Variants in EPHB2 observed in about 807,000 individuals in gnomAD.
The protein encoded by EPHB2 is ephrin type-B receptor 2.
Under a neutral mutation model 96.4 loss-of-function variants are expected in EPHB2, and 18 were observed. The observed-to-expected ratio is 0.19, with a 90% CI of 0.13 to 0.28. The LOEUF (loss-of-function observed/expected upper bound fraction) is 0.28, where lower values mean the gene tolerates loss of function less well. Ranked by LOEUF, EPHB2 falls within the 10% of genes least tolerant of loss-of-function variation. EPHB2 has a pLI of 1.00. For synonymous variants in EPHB2, 506 were observed against 534.1 expected, an observed-to-expected ratio of 0.95 and a Z score of 0.72; for missense variants, 989 against 1,355.4, an observed-to-expected ratio of 0.73 and a Z score of 4.25.
At chr1:22,841,831 C>T (rs887555227) in intron 3 of EPHB2, among the ~76,000 whole-genome samples, 11 of 152,170 alleles carry the variant, frequency 7.2e-5, no homozygotes, top group African/African-American at 2.7e-4. Flanking sequence ...CTGCTGTCTC[C>T]AGGAGGGATC....
Position 22,914,344 on chromosome 1 carries a change from C to T in EPHB2, c.*774C>T. The T allele has an allele frequency of 6.2e-6, 1 of 160,936 alleles. No homozygotes were observed. Among genetic ancestry groups the T allele is most frequent in the Non-Finnish European group, 1.4e-5 (1 of 72,678 alleles). 10.0% of individuals were successfully genotyped at this position (160,936 alleles called of 1,614,324 possible). On this transcript the variant is annotated 3_prime_UTR_variant, in exon 16 of 16. Transcript: ENST00000374630. Reference sequence around the variant, plus strand: ...GGTACATATCACGCGCACAGCCTGGCAGCCTGGCCCTCCTGGTGCCCACTC... The same window carrying T: ...GGTACATATCACGCGCACAGCCTGGTAGCCTGGCCCTCCTGGTGCCCACTC...
At chr1:22,883,748 T>C (rs1257984618) in intron 6 of EPHB2, among the ~76,000 whole-genome samples, 2 of 152,178 alleles carry the variant, frequency 1.3e-5, no homozygotes, top group African/African-American at 4.8e-5. Context: ...TACCCAGCCT[T>C]TGCCGGCCGT....
chr1:22,787,671 C>T (rs368234803), intron 3 of EPHB2, among the ~76,000 whole-genome samples: 63 of 152,192 alleles, frequency 4.1e-4, no homozygotes, highest in African/African-American at 1.1e-3. Context: ...GTGGGAGGAT[C>T]GCTTGAGGCT....
chr1:22,746,124 G>C (rs142620565), intron 1 of EPHB2, among the ~76,000 whole-genome samples: 1 of 152,164 alleles, frequency 6.6e-6, no homozygotes, highest in Non-Finnish European at 1.5e-5. Context: ...GAGTGCAGCC[G>C]TGGAAAGATC....
chr1:22,815,503 G>A (rs1330522413), intron 3 of EPHB2, among the ~76,000 whole-genome samples: 1 of 152,216 alleles, frequency 6.6e-6, no homozygotes, highest in African/African-American at 2.4e-5. Flanking sequence ...AACCTGAGGT[G>A]GGGCTGGGCC....
At chr1:22,740,356 C>G (rs1475686941) in intron 1 of EPHB2, among the ~76,000 whole-genome samples, 1 of 152,154 alleles carries the variant, frequency 6.6e-6, no homozygotes, top group African/African-American at 2.4e-5. Context: ...TGGGACTGTC[C>G]TACCCAATCA....
chr1:22,904,669 A>G (rs1053694550), intron 9 of EPHB2, among the ~76,000 whole-genome samples: 9 of 152,216 alleles, frequency 5.9e-5, no homozygotes, highest in African/African-American at 2.2e-4. Context: ...CTCTCTTGTA[A>G]CTACCCAACT....
chr1:22,757,955 G>A (rs1218723200), intron 1 of EPHB2, among the ~76,000 whole-genome samples: 1 of 115,668 alleles, frequency 8.6e-6, no homozygotes, highest in African/African-American at 3.4e-5. Context: ...GTCTCGCTCT[G>A]TTGCCCAGGC....
intron 3 of EPHB2, among the ~76,000 whole-genome samples, chr1:22,820,784 A>G (rs1211665647): frequency 1.3e-5 from 2 of 152,252 alleles, no homozygotes; most frequent in Non-Finnish European, 2.9e-5. Flanking sequence ...AACTACACCA[A>G]GAAGTATTTG....
intron 3 of EPHB2, among the ~76,000 whole-genome samples, chr1:22,808,542 C>G (rs775782159): frequency 2.0e-5 from 3 of 152,162 alleles, no homozygotes; most frequent in Non-Finnish European, 4.4e-5. Flanking sequence ...GTGAAACTGA[C>G]GTGTCACCGC....
At chr1:22,881,000 G>T (rs772287197) in intron 5 of EPHB2, among the ~76,000 whole-genome samples, 17 of 152,184 alleles carry the variant, frequency 1.1e-4, no homozygotes, top group Non-Finnish European at 2.1e-4. Context: ...TGGCAGGCAT[G>T]GTGGCTCACG....
chr1:22,797,097 G>A (rs183189744), intron 3 of EPHB2, among the ~76,000 whole-genome samples: 2 of 152,244 alleles, frequency 1.3e-5, no homozygotes, highest in East Asian at 1.9e-4. Flanking sequence ...ATCTTAGCAT[G>A]GTGAAGTGAC....
chr1:22,736,573 C>A lies in EPHB2; in HGVS notation c.61+25530C>A, dbSNP rs117607492. Among the ~76,000 whole-genome samples the A allele has an allele frequency of 2.1e-3, 313 of 152,276 alleles. 9 individuals carry two copies. In the East Asian group the frequency reaches 0.054, roughly 26 times the overall value. ...GAGCCTCGGTGGGGCCTGCAGGCCGCGGTCTGGTTCCCAGAGGCCCTGGAG... is the reference window on the plus strand; with the variant it reads ...GAGCCTCGGTGGGGCCTGCAGGCCGAGGTCTGGTTCCCAGAGGCCCTGGAG... On this transcript the variant is annotated intron_variant, in intron 1 of 15. Coordinates refer to ENST00000374630, the MANE Select transcript of EPHB2 (RefSeq NM_017449.5).
chr1:22,824,407 T>C (rs1645194672), intron 3 of EPHB2, among the ~76,000 whole-genome samples: 1 of 152,162 alleles, frequency 6.6e-6, no homozygotes, highest in Non-Finnish European at 1.5e-5. Flanking sequence ...CAAGGCTGGC[T>C]TACAGAGCAG....
At chr1:22,821,244 A>G (rs1645148452) in intron 3 of EPHB2, among the ~76,000 whole-genome samples, 1 of 152,218 alleles carries the variant, frequency 6.6e-6, no homozygotes, top group Non-Finnish European at 1.5e-5. Flanking sequence ...AGCCAGAACG[A>G]AATCACATGA....
chr1:22,897,795 AAAAT>A (rs773888578), intron 9 of EPHB2, among the ~76,000 whole-genome samples: 127 of 147,846 alleles, frequency 8.6e-4, no homozygotes, highest in African/African-American at 3.1e-3. Context: ...TCAAAATAAA[AAAAT>A]AAATAAATAA....
intron 3 of EPHB2, among the ~76,000 whole-genome samples, chr1:22,830,302 C>T (rs780426787): frequency 1.3e-5 from 2 of 152,152 alleles, no homozygotes; most frequent in Non-Finnish European, 2.9e-5. Flanking sequence ...AGGGGACCCA[C>T]GTGATTCCTT....
chr1:22,899,952 C>A (rs1439501367), intron 9 of EPHB2, among the ~76,000 whole-genome samples: 2 of 152,060 alleles, frequency 1.3e-5, no homozygotes, highest in African/African-American at 4.8e-5. Context: ...CATGGTCTCA[C>A]CACTGCACTC....
intron 2 of EPHB2, among the ~76,000 whole-genome samples, chr1:22,782,732 C>T (rs1644553062): frequency 6.6e-6 from 1 of 151,808 alleles, no homozygotes; most frequent in Non-Finnish European, 1.5e-5. Context: ...AGAAGAGCAG[C>T]GGTTGTAACA....
Sources: gnomAD v4.1 joint callset for allele counts (sites outside exome capture counted in the v4.1 genomes callset) on GRCh38, gnomAD v4.1.1 for gene constraint, MANE v1.5 for transcripts, NCBI Gene and HGNC (gene_info 2026-07-23, HGNC 2026-07-21) for gene names.